The following TCF12 variants were observed in gnomAD, a reference collection of about 807,000 sequenced individuals.
TCF12 encodes the protein transcription factor 12, also known as DNA-binding protein HTF4.
A neutral mutation model predicts 86.0 loss-of-function variants in TCF12; 45 were observed. The ratio of observed to expected loss-of-function variants is 0.52; its 90% CI spans 0.41 to 0.67. The LOEUF (loss-of-function observed/expected upper bound fraction) is 0.67, where lower values mean the gene tolerates loss of function less well. Ranked by LOEUF, TCF12 falls within the 30% of genes least tolerant of loss-of-function variation. The pLI, the probability that TCF12 is intolerant of heterozygous loss-of-function variation, is 0.00. For missense variants in TCF12, 881 were observed against 859.9 expected, an observed-to-expected ratio of 1.02 and a Z score of -0.31; for synonymous variants, 330 against 299.6, an observed-to-expected ratio of 1.10 and a Z score of -1.05.
At chr15:57,087,161 C>G (rs976219036) in intron 4 of TCF12, among the ~76,000 whole-genome samples, 1 of 151,576 alleles carries the variant, frequency 6.6e-6, no homozygotes, top group African/African-American at 2.4e-5. Context: ...TATTTGATTG[C>G]CCACATTTTG....
intron 13 of TCF12, chr15:57,246,879 T>A: frequency 4.7e-6 from 2 of 424,146 alleles, no homozygotes; most frequent in South Asian, 3.7e-5. Context: ...TTCGGACAAC[T>A]GTCTCAAAGT....
intron 3 of TCF12, among the ~76,000 whole-genome samples, chr15:57,009,693 C>G (rs1340481198): frequency 2.0e-5 from 3 of 152,124 alleles, no homozygotes; most frequent in Non-Finnish European, 4.4e-5. Context: ...TATAGACAAG[C>G]AAAGATTAAG....
intron 3 of TCF12, among the ~76,000 whole-genome samples, chr15:56,921,748 T>A (rs555440616): frequency 1.4e-3 from 209 of 152,134 alleles, no homozygotes; most frequent in Non-Finnish European, 2.3e-3. Flanking sequence ...AATGCCTCTT[T>A]GATGGGTGCT....
At chr15:57,225,126 T>C (rs755874561) in intron 8 of TCF12, among the ~76,000 whole-genome samples, 9 of 151,918 alleles carry the variant, frequency 5.9e-5, no homozygotes, top group Non-Finnish European at 1.2e-4. Context: ...TGGGATTACG[T>C]TGTTTAAATT....
intron 3 of TCF12, among the ~76,000 whole-genome samples, chr15:57,059,803 CAAAAAA>C (rs10717631): frequency 3.2e-5 from 3 of 94,236 alleles, no homozygotes; most frequent in African/African-American, 8.6e-5. Flanking sequence ...CTCCTCCCAC[CAAAAAA>C]AAAAAAAAAA....
At chr15:57,225,097 A>AT (rs1436660231) in intron 8 of TCF12, among the ~76,000 whole-genome samples, 3 of 151,384 alleles carry the variant, frequency 2.0e-5, no homozygotes, top group African/African-American at 7.3e-5. Context: ...ATTTATCTAG[A>AT]TTTTTAGGTT....
At chr15:57,062,481 T>C (rs761255351) in intron 3 of TCF12, among the ~76,000 whole-genome samples, 9 of 152,094 alleles carry the variant, frequency 5.9e-5, no homozygotes, top group Non-Finnish European at 1.2e-4. Flanking sequence ...CTTTAGTCAC[T>C]TGATACAGGA....
chr15:57,131,402 T>TA (rs1326420008), intron 5 of TCF12, among the ~76,000 whole-genome samples: 1 of 152,190 alleles, frequency 6.6e-6, no homozygotes, highest in African/African-American at 2.4e-5. Flanking sequence ...ATCTTTTTAT[T>TA]ATGTTGTTTG....
chr15:57,174,137 A>G (rs1409407849), intron 6 of TCF12, among the ~76,000 whole-genome samples: 2 of 152,230 alleles, frequency 1.3e-5, no homozygotes, highest in Non-Finnish European at 2.9e-5. Flanking sequence ...AATTTTATAC[A>G]AGTTAGTTTA....
intron 8 of TCF12, among the ~76,000 whole-genome samples, chr15:57,205,200 C>G (rs2057752346): frequency 6.6e-6 from 1 of 151,962 alleles, no homozygotes; most frequent in South Asian, 2.1e-4. Context: ...ATAGTCCCAG[C>G]TACTCTGAGA....
At chr15:56,993,371 A>T (rs1486426324) in intron 3 of TCF12, among the ~76,000 whole-genome samples, 1 of 152,172 alleles carries the variant, frequency 6.6e-6, no homozygotes. Context: ...CAGTTGACAA[A>T]TCCCATTGCT....
intron 5 of TCF12, among the ~76,000 whole-genome samples, chr15:57,101,508 C>T (rs1283280218): frequency 6.6e-6 from 1 of 152,198 alleles, no homozygotes; most frequent in Non-Finnish European, 1.5e-5. Context: ...CCATGCCTGG[C>T]CCCTGATTTT....
chr15:57,238,411 T>G (rs1048481886), intron 12 of TCF12, among the ~76,000 whole-genome samples: 1 of 152,182 alleles, frequency 6.6e-6, no homozygotes, highest in Non-Finnish European at 1.5e-5. Context: ...GGTAGTCCAT[T>G]TCTACCCTCA....
intron 5 of TCF12, among the ~76,000 whole-genome samples, chr15:57,092,828 T>C (rs569775382): frequency 5.9e-5 from 9 of 152,356 alleles, no homozygotes; most frequent in Admixed American, 2.6e-4. Context: ...CTTAAGGACA[T>C]GACCTATATT....
chr15:56,942,341 G>A (rs1296865886), intron 3 of TCF12, among the ~76,000 whole-genome samples: 1 of 152,174 alleles, frequency 6.6e-6, no homozygotes, highest in Admixed American at 6.6e-5. Flanking sequence ...TCAGAAAAAG[G>A]AGCTTTTGTT....
At chr15:57,041,648 T>C (rs546975615) in intron 3 of TCF12, among the ~76,000 whole-genome samples, 13 of 152,310 alleles carry the variant, frequency 8.5e-5, no homozygotes, top group Admixed American at 6.5e-4. Context: ...AATCCAAATG[T>C]AAATTTGCTA....
At chr15:56,934,085 C>G (rs1489593506) in intron 3 of TCF12, among the ~76,000 whole-genome samples, 1 of 152,092 alleles carries the variant, frequency 6.6e-6, no homozygotes, top group African/African-American at 2.4e-5. Context: ...AATAAATCCT[C>G]AGACATAGTC....
At chr15:57,055,405 A>T (rs1423914748) in intron 3 of TCF12, among the ~76,000 whole-genome samples, 2 of 151,778 alleles carry the variant, frequency 1.3e-5, no homozygotes, top group African/African-American at 4.9e-5. Context: ...TGTCTCAAAA[A>T]ATAATAATAA....
intron 4 of TCF12, among the ~76,000 whole-genome samples, chr15:57,073,556 A>G (rs2069602627): frequency 6.6e-6 from 1 of 152,198 alleles, no homozygotes; most frequent in Non-Finnish European, 1.5e-5. Flanking sequence ...TCCATTTTAG[A>G]GGTGACAGAA....
Sources: allele counts gnomAD v4.1 joint callset (sites outside exome capture counted in the v4.1 genomes callset), GRCh38; gene constraint gnomAD v4.1.1; transcripts MANE v1.5; gene names NCBI Gene and HGNC (gene_info 2026-07-23, HGNC 2026-07-21).